Variants in GALNS observed in about 807,000 individuals in gnomAD.
The protein encoded by GALNS is galactosamine (N-acetyl)-6-sulfatase.
In GALNS, 65 loss-of-function variants were observed where a neutral mutation model predicts 65.9. The ratio of observed to expected loss-of-function variants is 0.99; its 90% CI spans 0.81 to 1.21. The LOEUF (loss-of-function observed/expected upper bound fraction) is 1.21. Ranked by LOEUF, GALNS falls within the 50% of genes most tolerant of loss-of-function variation. The probability of loss-of-function intolerance (pLI) is 0.00; values close to 1 mark genes in which losing one functional copy is unlikely to be tolerated. For synonymous variants in GALNS, 346 were observed against 288.9 expected, an observed-to-expected ratio of 1.20 and a Z score of -2.00; for missense variants, 776 against 700.7, an observed-to-expected ratio of 1.11 and a Z score of -1.21.
At chr16:88,819,488 C>T (rs1395532721) in intron 12 of GALNS, among the ~76,000 whole-genome samples, 1 of 152,200 alleles carries the variant, frequency 6.6e-6, no homozygotes, top group Non-Finnish European at 1.5e-5. Flanking sequence ...CACTTTCTGA[C>T]GGTGAGCGTC....
Position 88,836,231 on chromosome 16 carries a change from C to T in GALNS, c.603G>A (p.Gly201=). 2 of 1,613,480 alleles carry T rather than the reference C, an allele frequency of 1.2e-6. No individual in the cohort carries two copies. The highest frequency in any genetic ancestry group is 1.7e-6 in the Non-Finnish European group (2 of 1,179,820). ...YEEFPINLKT[G]EANLTQIYLQ... ...GGTAGATCTGGGTGAGGTTGGCTTC[C>T]CCCGTCTTCAGATTAATAGGAAATT... Residue 201 remains glycine, a synonymous_variant, in exon 6 of 14, where the codon GGG becomes GGA. Coordinates refer to ENST00000268695, the MANE Select transcript of GALNS (RefSeq NM_000512.5).
Position 88,835,756 on chromosome 16 carries a change from T to C in GALNS, c.727A>G (p.Lys243Glu). 3 of 1,614,142 alleles carry C rather than the reference T, an allele frequency of 1.9e-6. No individual in the cohort carries two copies. Among genetic ancestry groups the C allele is most frequent in the Non-Finnish European group, 2.5e-6 (3 of 1,180,038 alleles). ...DATHAPVYAS[K>E]PFLGTSQRGR... The stretch of plus-strand genomic sequence containing the variant: ...CGCTGACTGGTGCCCAAGAAGGGTT[T>C]GGAGGCATAGACGGGTGCGTGCGTG... The change falls in exon 7 of 14, where the codon AAA (lysine) becomes GAA (glutamate). Residue 243 changes from lysine (K) to glutamate (E), a missense_variant. Transcript: ENST00000268695.
In GALNS at chr16:88,835,349, A is replaced by G. The variant is rs770815269; in HGVS notation, c.762T>C (p.Tyr254=). 2 of 1,613,656 alleles carry G rather than the reference A, an allele frequency of 1.2e-6. No individual in the cohort carries two copies. Among genetic ancestry groups the G allele is most frequent in the Non-Finnish European group, 1.7e-6 (2 of 1,179,852 alleles). The change falls in exon 8 of 14, where the codon TAT becomes TAC. Residue 254 remains tyrosine (Y), a synonymous_variant. Transcript: ENST00000268695. ...CATCAATCTCCCGGACGGCGTCTCC[A>G]TACCTGCAGGATGGTGACAAAAGGC... is the stretch of plus-strand genomic sequence containing the variant. ...PFLGTSQRGR[Y]GDAVREIDDS...
chr16:88,855,210 G>A (rs1315237672), intron 1 of GALNS: 4 of 693,854 alleles, frequency 5.8e-6, no homozygotes, highest in African/African-American at 5.3e-5. Flanking sequence ...AATTATTCAT[G>A]AGCTGCCCCG....
intron 9 of GALNS, among the ~76,000 whole-genome samples, chr16:88,828,961 C>T (rs1445492649): frequency 1.3e-5 from 2 of 151,862 alleles, no homozygotes; most frequent in Non-Finnish European, 2.9e-5. Flanking sequence ...GAGTCTCATG[C>T]CATCGTCTCC....
At chr16:88,853,409 A>C (rs560191581) in intron 1 of GALNS, among the ~76,000 whole-genome samples, 1 of 152,302 alleles carries the variant, frequency 6.6e-6, no homozygotes, top group South Asian at 2.1e-4. Context: ...ATTATTATGA[A>C]GACGAGCAGG....
chr16:88,853,573 C>G (rs1268379643), intron 1 of GALNS, among the ~76,000 whole-genome samples: 1 of 152,150 alleles, frequency 6.6e-6, no homozygotes, highest in Non-Finnish European at 1.5e-5. Flanking sequence ...ACCCTATTTT[C>G]CAAATAAGGA....
At chr16:88,856,616 G>A in intron 1 of GALNS, 142 bp downstream of exon 1, 1 of 323,112 alleles carries the variant, frequency 3.1e-6, no homozygotes, top group East Asian at 8.7e-5. Context: ...TCCCCGCGCG[G>A]GGCCTCCCCC....
chr16:88,821,295 C>G (rs924416829), intron 12 of GALNS, among the ~76,000 whole-genome samples: 5 of 151,350 alleles, frequency 3.3e-5, no homozygotes, highest in African/African-American at 1.2e-4. Flanking sequence ...GCGCTCTGTC[C>G]AGTCCCCGTC....
At chr16:88,837,304 T>C (rs1447964530) in intron 5 of GALNS, among the ~76,000 whole-genome samples, 3 of 152,120 alleles carry the variant, frequency 2.0e-5, no homozygotes, top group East Asian at 3.9e-4. Flanking sequence ...TCCCCACCCG[T>C]AGACCACATG....
At chr16:88,831,134 G>C (rs996248729) in intron 9 of GALNS, among the ~76,000 whole-genome samples, 3 of 152,222 alleles carry the variant, frequency 2.0e-5, no homozygotes, top group African/African-American at 7.2e-5. Flanking sequence ...TCCCCACCGA[G>C]AGCCTTCCTG....
At position 88,828,893 on chromosome 16, in the gene GALNS, C is replaced by G. The variant is rs1158678199; in HGVS notation, c.1003-2055G>C. On this transcript the variant is annotated intron_variant, in intron 9 of 13. Coordinates refer to ENST00000268695, the MANE Select transcript of GALNS (RefSeq NM_000512.5). ...GAGCAGAGCCCCAGCCCTGTCCCGG[C>G]CTGGTGGGCACCCACTGCAGTGGGG... Among the ~76,000 whole-genome samples, 4 of 152,290 alleles carry G rather than the reference C, an allele frequency of 2.6e-5. No homozygotes were observed. The South Asian group carries it at 8.3e-4, about 32-fold the overall frequency.
chr16:88,817,981 C>T (rs769727450), intron 13 of GALNS, 26 bp downstream of exon 13: 33 of 1,538,944 alleles, frequency 2.1e-5, no homozygotes, highest in Non-Finnish European at 2.6e-5. Flanking sequence ...GGCAAAGAGA[C>T]GGCCGCCCAC....
chr16:88,842,444 C>T, intron 2 of GALNS: 1 of 569,280 alleles, frequency 1.8e-6, no homozygotes, highest in Non-Finnish European at 3.1e-6. Flanking sequence ...GCGGCCACAG[C>T]ACTCGACTCT....
rs1912052941 is a variant in GALNS, at chr16:88,835,742, G to A, written c.741C>T (p.Gly247=). ...GGACTCACCGCCCTCGCTGACTGGT[G>A]CCCAAGAAGGGTTTGGAGGCATAGA... The part of the protein sequence containing the change: ...APVYASKPFL[G]TSQRGRYGDA... The change falls in exon 7 of 14, where the codon GGC becomes GGT. Residue 247 remains glycine, a synonymous_variant. Coordinates refer to ENST00000268695, the MANE Select transcript of GALNS (RefSeq NM_000512.5). The A allele has an allele frequency of 1.9e-6, 3 of 1,614,104 alleles. No individual in the cohort carries two copies. The highest frequency in any genetic ancestry group is 1.3e-5 in the African/African-American group (1 of 75,076).
chr16:88,836,124 G>T, intron 6 of GALNS, 77 bp downstream of exon 6: 2 of 1,353,558 alleles, frequency 1.5e-6, no homozygotes, highest in Non-Finnish European at 1.0e-6. Context: ...CTGTCCCCAC[G>T]CCTCCCACAG....
At chr16:88,842,349 G>T in intron 2 of GALNS, 1 of 510,204 alleles carries the variant, frequency 2.0e-6, no homozygotes, top group Non-Finnish European at 3.6e-6. Flanking sequence ...TCCAGCAGGA[G>T]AGACTCTCCC....
chr16:88,827,733 C>T lies in GALNS; in HGVS notation c.1003-895G>A, dbSNP rs369407663. On this transcript the variant is annotated intron_variant, in intron 9 of 13. Transcript: ENST00000268695. ...AGTGCTGGGATTACAGGCATGAGCC[C>T]GGCGGCCCTGTCTCTTTCTTAACTC... 3.6e-4 allele frequency among the ~76,000 whole-genome samples: 55 copies of T among 152,130 alleles called. 1 individual carries two copies. Among genetic ancestry groups the T allele is most frequent in the Non-Finnish European group, 1.2e-4 (8 of 68,004 alleles).
chr16:88,824,119 G>A (rs1387954141), intron 11 of GALNS, among the ~76,000 whole-genome samples: 3 of 152,196 alleles, frequency 2.0e-5, no homozygotes, highest in East Asian at 1.9e-4. Flanking sequence ...AGATTAGCAG[G>A]GGGTTCATAT....
Sources: gnomAD v4.1 joint callset for allele counts (sites outside exome capture counted in the v4.1 genomes callset) on GRCh38, gnomAD v4.1.1 for gene constraint, MANE v1.5 for transcripts, NCBI Gene and HGNC (gene_info 2026-07-23, HGNC 2026-07-21) for gene names.